PTPRD: variants seen among roughly 807,000 people sequenced by gnomAD.
The protein encoded by PTPRD is receptor-type tyrosine-protein phosphatase delta.
A neutral mutation model predicts 214.5 loss-of-function variants in PTPRD; 34 were observed. The observed-to-expected ratio is 0.16, with a 90% CI of 0.12 to 0.21. PTPRD has a LOEUF of 0.21. PTPRD is among the 10% of genes least tolerant of loss of function. The pLI, the probability that PTPRD is intolerant of heterozygous loss-of-function variation, is 1.00. For synonymous variants in PTPRD, 1,128 were observed against 845.7 expected, an observed-to-expected ratio of 1.33 and a Z score of -5.79; for missense variants, 2,545 against 2,398.7, an observed-to-expected ratio of 1.06 and a Z score of -1.27.
At chr9:10,370,406 G>A (rs1194825351) in intron 2 of PTPRD, among the ~76,000 whole-genome samples, 1 of 151,818 alleles carries the variant, frequency 6.6e-6, no homozygotes, top group Non-Finnish European at 1.5e-5. Flanking sequence ...TTCCTTTCTT[G>A]GGGCTATTCT....
chr9:9,305,259 CT>C (rs978280303), intron 9 of PTPRD, among the ~76,000 whole-genome samples: 8 of 151,778 alleles, frequency 5.3e-5, no homozygotes, highest in South Asian at 2.1e-4. Context: ...TAGATATTTA[CT>C]TTTTTTGTTC....
rs572462590 is a variant in PTPRD at position 8,481,910 on chromosome 9, G to C, written c.3413+2209C>G. 2.6e-3 allele frequency among the ~76,000 whole-genome samples: 393 copies of C among 152,292 alleles called. 1 individual carries two copies. Among genetic ancestry groups the C allele is most frequent in the African/African-American group, 9.1e-3 (378 of 41,566 alleles). On this transcript the variant is annotated intron_variant, in intron 30 of 45. Coordinates refer to ENST00000381196, the MANE Select transcript of PTPRD (RefSeq NM_002839.4). ...CGATTCTCCCGCCTCAGTCTCCTGA[G>C]TAGCTGGGATTACAGGCATGCGCCA...
intron 2 of PTPRD, among the ~76,000 whole-genome samples, chr9:10,549,999 G>A (rs903870173): frequency 2.6e-5 from 4 of 152,014 alleles, no homozygotes; most frequent in African/African-American, 9.7e-5. Flanking sequence ...TCACCCCTCT[G>A]GCAGGATTGA....
At chr9:9,313,932 TTGTC>T (rs1391697689) in intron 9 of PTPRD, among the ~76,000 whole-genome samples, 2 of 152,144 alleles carry the variant, frequency 1.3e-5, no homozygotes, top group Non-Finnish European at 2.9e-5. Flanking sequence ...CAAGATTCCT[TTGTC>T]TGTGGATTCT....
chr9:10,208,377 G>A (rs370139), intron 3 of PTPRD, among the ~76,000 whole-genome samples: 101,813 of 149,666 alleles, frequency 0.68, 36,329 homozygotes, highest in Admixed American at 0.81. Flanking sequence ...AGCCGGGCGT[G>A]GTGGCGGGCG....
At chr9:9,385,346 C>T (rs1017065404) in intron 9 of PTPRD, among the ~76,000 whole-genome samples, 1 of 152,076 alleles carries the variant, frequency 6.6e-6, no homozygotes, top group African/African-American at 2.4e-5. Flanking sequence ...GTCTTCAAAA[C>T]GTGGTCCCAG....
rs1293612607 is a variant in PTPRD, at chr9:10,127,684, C to T, written c.-544-93894G>A. Reference sequence around the variant, plus strand: ...ATCAAATATTATATAAAATATACAACCTACACTGGTAAATTCATTAACCTC... The same window carrying T: ...ATCAAATATTATATAAAATATACAATCTACACTGGTAAATTCATTAACCTC... On this transcript the variant is annotated intron_variant, in intron 3 of 45. Coordinates refer to ENST00000381196, the MANE Select transcript of PTPRD (RefSeq NM_002839.4). Among the ~76,000 whole-genome samples, 3 of 152,098 alleles carry T rather than the reference C, an allele frequency of 2.0e-5. 1 individual carries two copies. Among genetic ancestry groups the T allele is most frequent in the Admixed American group, 1.3e-4 (2 of 15,254 alleles).
intron 9 of PTPRD, among the ~76,000 whole-genome samples, chr9:9,195,086 G>GTGTATATATATATATATA (rs1554959656): frequency 5.3e-5 from 7 of 131,188 alleles, no homozygotes; most frequent in East Asian, 2.5e-4. Flanking sequence ...GTGTGTTTGT[G>GTGTATATATATATATATA]TATATATATA....
intron 14 of PTPRD, among the ~76,000 whole-genome samples, chr9:8,546,021 A>G (rs2080033862): frequency 6.6e-6 from 1 of 152,218 alleles, no homozygotes; most frequent in Non-Finnish European, 1.5e-5. Context: ...AAGAAGATGT[A>G]CCTATTTAGC....
intron 21 of PTPRD, among the ~76,000 whole-genome samples, chr9:8,514,750 G>T (rs1229271240): frequency 1.3e-5 from 2 of 152,006 alleles, no homozygotes; most frequent in African/African-American, 2.4e-5. Flanking sequence ...TAATTTAAAA[G>T]GTAATGGTAG....
chr9:10,132,808 C>T (rs1021538123), intron 3 of PTPRD, among the ~76,000 whole-genome samples: 1 of 152,124 alleles, frequency 6.6e-6, no homozygotes, highest in Non-Finnish European at 1.5e-5. Context: ...TATATTGAGG[C>T]CCAGAGGCCA....
At chr9:8,489,301 C>T (rs2097101167) in intron 27 of PTPRD, among the ~76,000 whole-genome samples, 3 of 152,254 alleles carry the variant, frequency 2.0e-5, no homozygotes, top group Middle Eastern at 6.8e-3. Context: ...GACAGAAAGG[C>T]TTGTTGGCTA....
At chr9:10,051,847 A>G (rs1255070999) in intron 3 of PTPRD, among the ~76,000 whole-genome samples, 1 of 152,206 alleles carries the variant, frequency 6.6e-6, no homozygotes, top group East Asian at 1.9e-4. Context: ...TATTCAGATA[A>G]GAAATGCTAC....
chr9:9,269,640 G>T (rs570132799), intron 9 of PTPRD, among the ~76,000 whole-genome samples: 1 of 151,452 alleles, frequency 6.6e-6, no homozygotes, highest in Admixed American at 6.6e-5. Context: ...AATGTGGTCG[G>T]TGTGTATGTG....
chr9:10,545,835 G>A (rs188235102), intron 2 of PTPRD, among the ~76,000 whole-genome samples: 2 of 152,132 alleles, frequency 1.3e-5, no homozygotes, highest in South Asian at 2.1e-4. Flanking sequence ...ATTTTTATAT[G>A]TGAGTTTTCC....
At chr9:10,351,354 C>T (rs948730561) in intron 2 of PTPRD, among the ~76,000 whole-genome samples, 2 of 151,890 alleles carry the variant, frequency 1.3e-5, no homozygotes, top group Non-Finnish European at 1.5e-5. Flanking sequence ...ATCATATGGT[C>T]GACACTAACC....
intron 8 of PTPRD, among the ~76,000 whole-genome samples, chr9:9,480,676 T>C (rs2095369341): frequency 6.6e-6 from 1 of 152,158 alleles, no homozygotes; most frequent in Admixed American, 6.6e-5. Flanking sequence ...TAAAAATATA[T>C]ACCATATATT....
chr9:9,646,341 GTGGGT>G (rs2096173504), intron 7 of PTPRD, among the ~76,000 whole-genome samples: 7 of 148,192 alleles, frequency 4.7e-5, no homozygotes, highest in East Asian at 3.9e-4. Context: ...GTGTGTGTGT[GTGGGT>G]GTGTGTGTGT....
intron 12 of PTPRD, among the ~76,000 whole-genome samples, chr9:8,659,583 T>C (rs1406740023): frequency 6.6e-6 from 1 of 152,208 alleles, no homozygotes; most frequent in Non-Finnish European, 1.5e-5. Flanking sequence ...TAACAAGCTA[T>C]CTAAAGTTTA....
Sources: gnomAD v4.1 joint callset for allele counts (sites outside exome capture counted in the v4.1 genomes callset) on GRCh38, gnomAD v4.1.1 for gene constraint, MANE v1.5 for transcripts, NCBI Gene and HGNC (gene_info 2026-07-23, HGNC 2026-07-21) for gene names.